FMN1: variants seen among roughly 807,000 people sequenced by gnomAD.
The protein encoded by FMN1 is formin-1.
FMN1 carries 110 observed loss-of-function variants against 132.4 expected under a neutral mutation model. That is an observed-to-expected ratio of 0.83 (90% CI 0.71 to 0.97). The LOEUF is 0.97. Among genes scored for constraint, FMN1 ranks in the 50% least tolerant of loss-of-function variants. The probability of loss-of-function intolerance (pLI) is 0.00; values close to 1 mark genes in which losing one functional copy is unlikely to be tolerated. For missense variants in FMN1, 1,792 were observed against 1,705.3 expected (o/e 1.05, Z -0.90); for synonymous variants, 722 against 651.7 (o/e 1.11, Z -1.64).
At chr15:33,001,535 C>T (rs963120572) in intron 7 of FMN1, among the ~76,000 whole-genome samples, 32 of 150,920 alleles carry the variant, frequency 2.1e-4, no homozygotes, top group Middle Eastern at 3.5e-3. Context: ...TGTCCAAGTG[C>T]GTCCCCCCTC....
chr15:32,957,855 A>T (rs1469882816), intron 9 of FMN1, among the ~76,000 whole-genome samples: 3 of 152,192 alleles, frequency 2.0e-5, no homozygotes, highest in African/African-American at 7.2e-5. Flanking sequence ...AGAAAAAAAT[A>T]AGAGATAGTA....
intron 6 of FMN1, among the ~76,000 whole-genome samples, chr15:33,060,622 TA>T (rs1427875774): frequency 6.6e-6 from 1 of 152,190 alleles, no homozygotes; most frequent in Non-Finnish European, 1.5e-5. Flanking sequence ...TGTATTATGC[TA>T]AGTTCTCTTC....
At chr15:32,917,018 G>A (rs1219966148) in intron 10 of FMN1, among the ~76,000 whole-genome samples, 2 of 152,102 alleles carry the variant, frequency 1.3e-5, no homozygotes, top group African/African-American at 4.8e-5. Context: ...CATGGGAAGA[G>A]GCAGTAGTAC....
chr15:32,780,261 T>C (rs2056621341), intron 19 of FMN1, among the ~76,000 whole-genome samples: 1 of 152,124 alleles, frequency 6.6e-6, no homozygotes, highest in African/African-American at 2.4e-5. Flanking sequence ...GGAAGAGACA[T>C]GAGGTCAGCA....
intron 10 of FMN1, among the ~76,000 whole-genome samples, chr15:32,917,881 C>T (rs2060722501): frequency 6.6e-6 from 1 of 152,056 alleles, no homozygotes; most frequent in Non-Finnish European, 1.5e-5. Context: ...ATCAGCAATC[C>T]CAGAGTGGGA....
chr15:32,889,738 G>A (rs1055862817), intron 15 of FMN1, among the ~76,000 whole-genome samples: 1 of 151,986 alleles, frequency 6.6e-6, no homozygotes, highest in Non-Finnish European at 1.5e-5. Context: ...TTCTCCAAAG[G>A]CCTATGACGC....
intron 6 of FMN1, among the ~76,000 whole-genome samples, chr15:33,025,351 C>T (rs2035617071): frequency 6.6e-6 from 1 of 152,024 alleles, no homozygotes; most frequent in Non-Finnish European, 1.5e-5. Context: ...TACCCCAGAA[C>T]CAACAAATCA....
chr15:33,041,326 G>C (rs2036423954), intron 6 of FMN1, among the ~76,000 whole-genome samples: 1 of 149,830 alleles, frequency 6.7e-6, no homozygotes, highest in African/African-American at 2.5e-5. Context: ...TTAAAATCAG[G>C]AGTAACACAA....
intron 10 of FMN1, 56 bp downstream of exon 10, chr15:32,926,118 T>C: frequency 1.1e-6 from 1 of 928,780 alleles, no homozygotes; most frequent in Non-Finnish European, 1.7e-6. Context: ...TTCTTCAGAA[T>C]GAAATGTTTT....
intron 4 of FMN1, among the ~76,000 whole-genome samples, chr15:33,116,021 G>A (rs1004312959): frequency 3.3e-5 from 5 of 152,132 alleles, no homozygotes; most frequent in African/African-American, 1.2e-4. Context: ...TAGGGTGAAT[G>A]GGGACTGTAA....
chr15:33,084,502 G>C (rs555710885), intron 5 of FMN1, among the ~76,000 whole-genome samples: 2 of 152,152 alleles, frequency 1.3e-5, no homozygotes, highest in East Asian at 1.9e-4. Flanking sequence ...ACAGTTCCAA[G>C]TAGATCGTGT....
chr15:33,017,139 A>G (rs1056345115), intron 6 of FMN1, among the ~76,000 whole-genome samples: 9 of 59,734 alleles, frequency 1.5e-4, no homozygotes, highest in Non-Finnish European at 2.2e-4. Flanking sequence ...AGCATAATTT[A>G]AAAAAAAAAA....
At chr15:32,915,348 C>T (rs1270260812) in intron 10 of FMN1, among the ~76,000 whole-genome samples, 1 of 152,220 alleles carries the variant, frequency 6.6e-6, no homozygotes, top group African/African-American at 2.4e-5. Context: ...TTAAGTCATT[C>T]TTGCAAGCAC....
chr15:33,101,433 CTAACACTAACA>C (rs970161179), intron 4 of FMN1, among the ~76,000 whole-genome samples: 7 of 151,714 alleles, frequency 4.6e-5, no homozygotes, highest in Admixed American at 3.9e-4. Context: ...GTAAGATACA[CTAACACTAACA>C]ATAGCTGATG....
At chr15:32,881,903 C>T (rs2059780378) in intron 16 of FMN1, among the ~76,000 whole-genome samples, 1 of 152,182 alleles carries the variant, frequency 6.6e-6, no homozygotes, top group Non-Finnish European at 1.5e-5. Flanking sequence ...TGCAGGTTGC[C>T]CAGGGATGGC....
chr15:32,794,876 G>T (rs559238116), intron 19 of FMN1, among the ~76,000 whole-genome samples: 1 of 152,238 alleles, frequency 6.6e-6, no homozygotes, highest in Admixed American at 6.5e-5. Context: ...TTGTGTACAT[G>T]CTCCATAAAA....
chr15:32,871,163 G>T (rs1299122702), intron 16 of FMN1, among the ~76,000 whole-genome samples: 1 of 152,108 alleles, frequency 6.6e-6, no homozygotes, highest in Non-Finnish European at 1.5e-5. Flanking sequence ...CTTCTAAAAA[G>T]TATTAGGAAG....
intron 17 of FMN1, among the ~76,000 whole-genome samples, chr15:32,828,427 C>T (rs539655205): frequency 9.9e-5 from 15 of 151,892 alleles, no homozygotes; most frequent in South Asian, 2.1e-4. Context: ...TACTCCAAGT[C>T]GTACAAAGGG....
At chr15:32,875,167 A>G (rs2059609008) in intron 16 of FMN1, among the ~76,000 whole-genome samples, 1 of 152,184 alleles carries the variant, frequency 6.6e-6, no homozygotes, top group Admixed American at 6.5e-5. Context: ...AGCCTGCTTT[A>G]TGTGTTATCT....
Sources: allele counts gnomAD v4.1 joint callset (sites outside exome capture counted in the v4.1 genomes callset), GRCh38; gene constraint gnomAD v4.1.1; transcripts MANE v1.5; gene names NCBI Gene and HGNC (gene_info 2026-07-23, HGNC 2026-07-21).